Variants in LRRC4C observed in about 807,000 individuals in gnomAD.
LRRC4C encodes the protein leucine rich repeat containing 4C.
LRRC4C carries 5 observed loss-of-function variants against 33.6 expected under a neutral mutation model. The ratio of observed to expected loss-of-function variants is 0.15; its 90% CI spans 0.08 to 0.31. The LOEUF (loss-of-function observed/expected upper bound fraction) is 0.31, where lower values mean the gene tolerates loss of function less well. Among genes scored for constraint, LRRC4C ranks in the 10% least tolerant of loss-of-function variants. The pLI is 1.00. For synonymous variants in LRRC4C, 329 were observed against 302.0 expected, an observed-to-expected ratio of 1.09 and a Z score of -0.93; for missense variants, 560 against 796.7, an observed-to-expected ratio of 0.70 and a Z score of 3.58.
At chr11:40,286,010 T>C (rs1943811209) in intron 4 of LRRC4C, among the ~76,000 whole-genome samples, 3 of 152,220 alleles carry the variant, frequency 2.0e-5, no homozygotes, top group Admixed American at 2.0e-4. Flanking sequence ...CAGTGCCTGG[T>C]GCATATCAAA....
At chr11:41,133,782 C>G (rs927718688) in intron 1 of LRRC4C, among the ~76,000 whole-genome samples, 6 of 152,172 alleles carry the variant, frequency 3.9e-5, no homozygotes, top group Non-Finnish European at 8.8e-5. Flanking sequence ...GCATCCTTAT[C>G]TTACCTTAAA....
At chr11:40,867,803 T>G (rs1954443156) in intron 2 of LRRC4C, among the ~76,000 whole-genome samples, 1 of 152,216 alleles carries the variant, frequency 6.6e-6, no homozygotes, top group African/African-American at 2.4e-5. Context: ...AAGCCAGTCC[T>G]TCAGAGGTCT....
At chr11:40,534,391 C>T (rs1001047204) in intron 3 of LRRC4C, among the ~76,000 whole-genome samples, 1 of 152,092 alleles carries the variant, frequency 6.6e-6, no homozygotes, top group Non-Finnish European at 1.5e-5. Flanking sequence ...TTTAAAACAT[C>T]TGTGCCAGTT....
intron 3 of LRRC4C, among the ~76,000 whole-genome samples, chr11:40,434,263 A>G (rs1951052624): frequency 6.6e-6 from 1 of 152,134 alleles, no homozygotes; most frequent in African/African-American, 2.4e-5. Flanking sequence ...GACACAATAT[A>G]TGTTATTATT....
intron 1 of LRRC4C, among the ~76,000 whole-genome samples, chr11:41,153,965 A>T (rs978781699): frequency 2.6e-5 from 4 of 152,028 alleles, no homozygotes. Context: ...GATTAGGGGG[A>T]TGTGGCCACA....
chr11:40,837,287 T>C (rs1316338261), intron 2 of LRRC4C, among the ~76,000 whole-genome samples: 3 of 152,000 alleles, frequency 2.0e-5, no homozygotes, highest in Non-Finnish European at 2.9e-5. Context: ...TCAAAATCAA[T>C]CCCCGCTATA....
chr11:40,816,085 G>A (rs1951695228), intron 2 of LRRC4C, among the ~76,000 whole-genome samples: 1 of 152,134 alleles, frequency 6.6e-6, no homozygotes, highest in South Asian at 2.1e-4. Context: ...TGAGAGACCT[G>A]GGTCCACCTG....
At chr11:40,989,533 C>A (rs902839022) in intron 1 of LRRC4C, among the ~76,000 whole-genome samples, 5 of 152,182 alleles carry the variant, frequency 3.3e-5, no homozygotes, top group Admixed American at 3.3e-4. Context: ...AATTAGAAAA[C>A]AGTAAGAGTA....
At chr11:40,624,726 C>T (rs970620995) in intron 3 of LRRC4C, among the ~76,000 whole-genome samples, 2 of 152,160 alleles carry the variant, frequency 1.3e-5, no homozygotes, top group Non-Finnish European at 2.9e-5. Flanking sequence ...GGGTATAGTA[C>T]AACCCATGTT....
intron 1 of LRRC4C, among the ~76,000 whole-genome samples, chr11:41,095,059 T>C (rs934832250): frequency 6.6e-6 from 1 of 152,228 alleles, no homozygotes; most frequent in Non-Finnish European, 1.5e-5. Flanking sequence ...ATGAAAATAC[T>C]ATCTGAGACT....
intron 1 of LRRC4C, among the ~76,000 whole-genome samples, chr11:41,171,428 A>T (rs1288193586): frequency 6.6e-6 from 1 of 152,146 alleles, no homozygotes; most frequent in Non-Finnish European, 1.5e-5. Context: ...AGCCATAAAA[A>T]GGATGAGTTC....
chr11:41,093,627 A>C (rs566016640), intron 1 of LRRC4C, among the ~76,000 whole-genome samples: 1 of 152,024 alleles, frequency 6.6e-6, no homozygotes, highest in African/African-American at 2.4e-5. Context: ...CTGTCCACAT[A>C]TCTCTGTGGT....
intron 3 of LRRC4C, among the ~76,000 whole-genome samples, chr11:40,326,837 A>G (rs546058926): frequency 1.3e-5 from 2 of 152,192 alleles, no homozygotes; most frequent in African/African-American, 2.4e-5. Flanking sequence ...TTTAAAGATG[A>G]TAATAACCAG....
chr11:40,512,184 A>C (rs551083702), intron 3 of LRRC4C, among the ~76,000 whole-genome samples: 1 of 152,136 alleles, frequency 6.6e-6, no homozygotes, highest in Non-Finnish European at 1.5e-5. Context: ...ATCTATCGGT[A>C]TGTAACAAGC....
intron 1 of LRRC4C, among the ~76,000 whole-genome samples, chr11:41,225,707 G>T (rs1178044784): frequency 1.5e-4 from 23 of 152,078 alleles, no homozygotes; most frequent in Non-Finnish European, 4.4e-5. Flanking sequence ...AAGAATATTT[G>T]ATCTTTTTTC....
At chr11:41,458,795 G>A (rs915563262) in intron 1 of LRRC4C, among the ~76,000 whole-genome samples, 1 of 152,056 alleles carries the variant, frequency 6.6e-6, no homozygotes, top group Non-Finnish European at 1.5e-5. Context: ...AGGTTAATGA[G>A]ATGCAATAGC....
intron 3 of LRRC4C, among the ~76,000 whole-genome samples, chr11:40,502,135 T>A (rs532486350): frequency 1.1e-4 from 17 of 152,292 alleles, no homozygotes; most frequent in African/African-American, 4.1e-4. Context: ...CTCATCTCCA[T>A]CTGAGACCAC....
Position 40,940,427 on chromosome 11 carries a change from G to A in LRRC4C, c.-495-6704C>T, listed in dbSNP as rs1958091530. 1.3e-5 allele frequency among the ~76,000 whole-genome samples: 2 copies of A among 152,054 alleles called. 1 individual carries two copies. Among genetic ancestry groups the A allele is most frequent in the Admixed American group, 1.3e-4 (2 of 15,238 alleles). On this transcript the variant is annotated intron_variant, in intron 1 of 6. Coordinates refer to ENST00000528697, the MANE Select transcript of LRRC4C (RefSeq NM_001258419.2). ...CAAATGCCCACATTGCTGAGCCACT[G>A]AATTTAGAGATATTTCTTCACTCTG... is the stretch of plus-strand genomic sequence containing the variant.
intron 1 of LRRC4C, among the ~76,000 whole-genome samples, chr11:41,105,782 G>C (rs1941458379): frequency 6.6e-6 from 1 of 152,070 alleles, no homozygotes; most frequent in Non-Finnish European, 1.5e-5. Flanking sequence ...GACTTCTGCA[G>C]AAGTAGTTCA....
Sources: allele counts gnomAD v4.1 joint callset (sites outside exome capture counted in the v4.1 genomes callset), GRCh38; gene constraint gnomAD v4.1.1; transcripts MANE v1.5; gene names NCBI Gene and HGNC (gene_info 2026-07-23, HGNC 2026-07-21).